Variants in NLGN1 observed in about 807,000 individuals in gnomAD.
The protein encoded by NLGN1 is neuroligin 1, also known as neuroligin-1.
A neutral mutation model predicts 65.5 loss-of-function variants in NLGN1; 12 were observed. The observed-to-expected ratio is 0.18, with a 90% confidence interval of 0.12 to 0.30. The LOEUF (loss-of-function observed/expected upper bound fraction) is 0.30, where lower values mean the gene tolerates loss of function less well. NLGN1 is among the 10% of genes least tolerant of loss of function. The probability of loss-of-function intolerance (pLI) is 1.00; values close to 1 mark genes in which losing one functional copy is unlikely to be tolerated. For synonymous variants in NLGN1, 350 were observed against 359.5 expected, an observed-to-expected ratio of 0.97 and a Z score of 0.30; for missense variants, 750 against 1,007.1, an observed-to-expected ratio of 0.74 and a Z score of 3.46.
At chr3:173,891,199 C>A (rs578102608) in intron 4 of NLGN1, among the ~76,000 whole-genome samples, 35 of 152,250 alleles carry the variant, frequency 2.3e-4, no homozygotes, top group Admixed American at 3.9e-4. Context: ...GGACACAATG[C>A]TAATATTGTG....
At chr3:173,713,981 A>G (rs1034196043) in intron 3 of NLGN1, among the ~76,000 whole-genome samples, 5 of 152,142 alleles carry the variant, frequency 3.3e-5, no homozygotes, top group African/African-American at 1.2e-4. Context: ...AAGGATACTA[A>G]GAAAAAGGAG....
intron 4 of NLGN1, among the ~76,000 whole-genome samples, chr3:174,259,887 A>G (rs1480172682): frequency 7.7e-6 from 1 of 130,502 alleles, no homozygotes; most frequent in African/African-American, 2.9e-5. Context: ...TCCTGTGTCC[A>G]TGTGATCTCA....
exon 7 of NLGN1, chr3:174,281,228 A>C: frequency 6.2e-7 from 1 of 1,613,050 alleles, no homozygotes; most frequent in Non-Finnish European, 8.5e-7. Context: ...CATTCAATAC[A>C]TTTACTGGAG....
intron 1 of NLGN1, among the ~76,000 whole-genome samples, chr3:173,413,114 C>T (rs1712941054): frequency 6.6e-6 from 1 of 152,026 alleles, no homozygotes; most frequent in Admixed American, 6.6e-5. Context: ...GCTTCCCTCG[C>T]AGACTGCCCA....
At chr3:173,568,719 A>G (rs1214410555) in intron 2 of NLGN1, among the ~76,000 whole-genome samples, 1 of 152,184 alleles carries the variant, frequency 6.6e-6, no homozygotes, top group Non-Finnish European at 1.5e-5. Flanking sequence ...TCTGTTGCCC[A>G]GGCTGGAGTG....
At chr3:174,086,197 G>A (rs1385217310) in intron 4 of NLGN1, among the ~76,000 whole-genome samples, 1 of 50,756 alleles carries the variant, frequency 2.0e-5, no homozygotes, top group Non-Finnish European at 3.7e-5. Flanking sequence ...GTGTGTGTGT[G>A]TGTGTGTGCG....
intron 3 of NLGN1, among the ~76,000 whole-genome samples, chr3:173,802,217 C>G (rs755670593): frequency 4.6e-5 from 7 of 152,030 alleles, no homozygotes; most frequent in Non-Finnish European, 7.4e-5. Flanking sequence ...TCTGAGCGAT[C>G]ATAGCTAGGC....
chr3:174,183,481 A>T (rs538043760), intron 4 of NLGN1, among the ~76,000 whole-genome samples: 1 of 152,180 alleles, frequency 6.6e-6, no homozygotes, highest in African/African-American at 2.4e-5. Context: ...TTACTCAAAC[A>T]TCCCTTTTTA....
chr3:173,910,980 G>T (rs761258436), intron 4 of NLGN1: 2 of 152,094 alleles, frequency 1.3e-5, no homozygotes, highest in Non-Finnish European at 2.9e-5. Context: ...TTACATTTTC[G>T]TGTACCTTGC....
chr3:174,078,958 C>A (rs1741567249), intron 4 of NLGN1, among the ~76,000 whole-genome samples: 1 of 151,916 alleles, frequency 6.6e-6, no homozygotes, highest in Non-Finnish European at 1.5e-5. Flanking sequence ...GATTATATAT[C>A]CTTTATTTTT....
chr3:173,705,777 CT>C (rs1337890550), intron 3 of NLGN1, among the ~76,000 whole-genome samples: 1 of 151,920 alleles, frequency 6.6e-6, no homozygotes. Context: ...TGTGGAGAGC[CT>C]GATCCTTTAC....
chr3:173,460,636 G>A (rs1723229616), intron 2 of NLGN1, among the ~76,000 whole-genome samples: 1 of 152,024 alleles, frequency 6.6e-6, no homozygotes, highest in African/African-American at 2.4e-5. Flanking sequence ...TAATTGTTTG[G>A]ATTCTTTGCA....
chr3:174,008,647 C>T (rs1446741957), intron 4 of NLGN1, among the ~76,000 whole-genome samples: 1 of 152,044 alleles, frequency 6.6e-6, no homozygotes. Flanking sequence ...GATCCTCACT[C>T]TACAGCTCAG....
At chr3:173,499,599 T>G (rs568137152) in intron 2 of NLGN1, among the ~76,000 whole-genome samples, 209 of 151,976 alleles carry the variant, frequency 1.4e-3, no homozygotes, top group Middle Eastern at 0.014. Flanking sequence ...AAGAAAGTCA[T>G]TGGTAGCTTG....
intron 4 of NLGN1, among the ~76,000 whole-genome samples, chr3:174,015,926 T>C (rs1726472609): frequency 6.6e-6 from 1 of 152,048 alleles, no homozygotes; most frequent in Non-Finnish European, 1.5e-5. Flanking sequence ...AAAAGGTGGC[T>C]GAAAATGATC....
At chr3:173,962,912 TGAA>T (rs1713944731) in intron 4 of NLGN1, among the ~76,000 whole-genome samples, 1 of 152,164 alleles carries the variant, frequency 6.6e-6, no homozygotes, top group Non-Finnish European at 1.5e-5. Context: ...ATGTAGCAGT[TGAA>T]GAAATGCTAA....
chr3:173,476,398 A>G (rs1472159535), intron 2 of NLGN1, among the ~76,000 whole-genome samples: 1 of 152,236 alleles, frequency 6.6e-6, no homozygotes, highest in African/African-American at 2.4e-5. Context: ...AGATAACTAC[A>G]TACATAATTA....
At chr3:173,883,526 C>T (rs1388234622) in intron 4 of NLGN1, among the ~76,000 whole-genome samples, 1 of 151,990 alleles carries the variant, frequency 6.6e-6, no homozygotes, top group South Asian at 2.1e-4. Flanking sequence ...GTTGAAAAAC[C>T]GGTGCTGATA....
At chr3:174,237,622 T>A (rs1389114483) in intron 4 of NLGN1, among the ~76,000 whole-genome samples, 1 of 152,166 alleles carries the variant, frequency 6.6e-6, no homozygotes, top group African/African-American at 2.4e-5. Context: ...AGTGGCATGA[T>A]CTCTGCTCAC....
Sources: gnomAD v4.1 joint callset for allele counts (sites outside exome capture counted in the v4.1 genomes callset) on GRCh38, gnomAD v4.1.1 for gene constraint, MANE v1.5 for transcripts, NCBI Gene and HGNC (gene_info 2026-07-23, HGNC 2026-07-21) for gene names.